The following LDAH variants were observed in gnomAD, a reference collection of about 807,000 sequenced individuals.
The protein encoded by LDAH is lipid droplet associated hydrolase, also known as lipid droplet-associated hydrolase.
A neutral mutation model predicts 29.6 loss-of-function variants in LDAH; 26 were observed. That is an observed-to-expected ratio of 0.88 (90% confidence interval 0.64 to 1.22). The LOEUF is 1.22. Among genes scored for constraint, LDAH ranks in the 50% most tolerant of loss-of-function variants. The pLI is 0.00. For synonymous variants in LDAH, 117 were observed against 133.0 expected, an observed-to-expected ratio of 0.88 and a Z score of 0.83; for missense variants, 344 against 387.3, an observed-to-expected ratio of 0.89 and a Z score of 0.94.
At chr2:20,779,976 G>T (rs112680512) in intron 3 of LDAH, among the ~76,000 whole-genome samples, 7,633 of 152,108 alleles carry the variant, frequency 0.05, 609 homozygotes, top group African/African-American at 0.17. Flanking sequence ...TAATTCTGTA[G>T]GCTTACCTAC....
At position 20,686,889 on chromosome 2, in the gene LDAH, T is replaced by C; in HGVS notation, c.*14A>G. 1 of 1,607,746 alleles carries C rather than the reference T, an allele frequency of 6.2e-7. No homozygotes were observed. ...TCCATGTACTGGCAGTGGGGGCTTG[T>C]TCCTCAGGCCAATTTACATTTTGGA... is the stretch of plus-strand genomic sequence containing the variant. On this transcript the variant is annotated 3_prime_UTR_variant, in exon 7 of 7. Coordinates refer to ENST00000237822, the MANE Select transcript of LDAH (RefSeq NM_021925.4).
intron 2 of LDAH, among the ~76,000 whole-genome samples, chr2:20,791,451 T>A (rs1670940503): frequency 6.6e-6 from 1 of 152,336 alleles, no homozygotes; most frequent in South Asian, 2.1e-4. Context: ...TTCAAACTTG[T>A]ACAACAACGT....
rs958787199 is a variant in LDAH at position 20,756,223 on chromosome 2, C to T, written c.469-16018G>A. On this transcript the variant is annotated intron_variant, in intron 4 of 6. Transcript: ENST00000237822. Reference sequence around the variant, plus strand: ...CTAATTTTTGTATTTTTAGTAGAGACGGGGTTTCACCATATTGGTCAGGCT... The same window carrying T: ...CTAATTTTTGTATTTTTAGTAGAGATGGGGTTTCACCATATTGGTCAGGCT... 3.9e-5 allele frequency among the ~76,000 whole-genome samples: 6 copies of T among 151,924 alleles called. No homozygotes were observed. The South Asian group carries it at 1.0e-3, about 26-fold the overall frequency.
At chr2:20,705,439 C>A (rs1384836660) in intron 5 of LDAH, among the ~76,000 whole-genome samples, 1 of 152,148 alleles carries the variant, frequency 6.6e-6, no homozygotes, top group African/African-American at 2.4e-5. Context: ...TACCAACTTT[C>A]TTTCTGGAAA....
At position 20,717,509 on chromosome 2, in the gene LDAH, C is replaced by A. The variant is rs187185786; in HGVS notation, c.704-15857G>T. Among the ~76,000 whole-genome samples, 615 of 152,230 alleles carry A rather than the reference C, an allele frequency of 4.0e-3. 3 individuals are homozygous for A. The highest frequency in any genetic ancestry group is 0.014 in the African/African-American group (586 of 41,544). The stretch of plus-strand genomic sequence containing the variant: ...ATTAGCTATCATGGAAATGTAAATT[C>A]AAAAATCTGAAACTCTTCCAATATG... On this transcript the variant is annotated intron_variant, in intron 5 of 6. Coordinates refer to ENST00000237822, the MANE Select transcript of LDAH (RefSeq NM_021925.4).
At chr2:20,812,819 A>G (rs1398827957) in intron 1 of LDAH, among the ~76,000 whole-genome samples, 1 of 152,232 alleles carries the variant, frequency 6.6e-6, no homozygotes, top group Non-Finnish European at 1.5e-5. Context: ...GGCAACAGTA[A>G]GAACTAATAA....
intron 5 of LDAH, among the ~76,000 whole-genome samples, chr2:20,716,669 A>G (rs1665216113): frequency 1.3e-5 from 2 of 150,266 alleles, no homozygotes; most frequent in South Asian, 2.1e-4. Context: ...TGGCACATGT[A>G]TACCTATGTA....
At chr2:20,694,545 C>T (rs1048219443) in intron 6 of LDAH, among the ~76,000 whole-genome samples, 12 of 152,200 alleles carry the variant, frequency 7.9e-5, no homozygotes, top group Non-Finnish European at 4.4e-5. Context: ...TACCTTGTTT[C>T]CTCTCTTCCG....
rs377055684 is a variant in LDAH, at chr2:20,717,325, A to G, written c.704-15673T>C. Reference sequence around the variant, plus strand: ...AATGAGACAATCCACAGAGTGGAAGAAGATATGTGCCATATGTCAAAGGTA... The same window carrying G: ...AATGAGACAATCCACAGAGTGGAAGGAGATATGTGCCATATGTCAAAGGTA... On this transcript the variant is annotated intron_variant, in intron 5 of 6. Coordinates refer to ENST00000237822, the MANE Select transcript of LDAH (RefSeq NM_021925.4). Among the ~76,000 whole-genome samples the G allele has an allele frequency of 1.5e-3, 228 of 152,324 alleles. 4 individuals are homozygous for G. The South Asian group carries it at 0.043, about 29-fold the overall frequency.
At chr2:20,788,205 C>T (rs1670691364) in intron 3 of LDAH, among the ~76,000 whole-genome samples, 1 of 152,106 alleles carries the variant, frequency 6.6e-6, no homozygotes. Flanking sequence ...ATACTCCCTG[C>T]AGCTAAAGGG....
Position 20,701,782 on chromosome 2 carries a change from G to A in LDAH, c.704-130C>T, listed in dbSNP as rs558488098. 5.5e-6 allele frequency: 4 copies of A among 722,556 alleles called. No individual in the cohort carries two copies. The Admixed American group carries it at 8.6e-5, about 16-fold the overall frequency. The allele number at this position is 722,556 out of a possible 1,614,324, so 44.8% of individuals were successfully genotyped here. On this transcript the variant is annotated intron_variant, in intron 5 of 6. Transcript: ENST00000237822. The stretch of plus-strand genomic sequence containing the variant: ...CTATCTGATGAGAGATACTGGTGAG[G>A]CCAACAGAGGAATGTGAGTCAGGCA...
At chr2:20,756,207 G>A (rs1668330678) in intron 4 of LDAH, among the ~76,000 whole-genome samples, 1 of 151,942 alleles carries the variant, frequency 6.6e-6, no homozygotes. Context: ...GCTAATTTTT[G>A]TATTTTTAGT....
At chr2:20,691,456 C>T (rs1257885508) in intron 6 of LDAH, among the ~76,000 whole-genome samples, 2 of 152,166 alleles carry the variant, frequency 1.3e-5, no homozygotes, top group East Asian at 1.9e-4. Flanking sequence ...AAATTACAGG[C>T]GTGAGCCACA....
At chr2:20,805,662 C>G (rs1672016610) in intron 1 of LDAH, among the ~76,000 whole-genome samples, 1 of 152,038 alleles carries the variant, frequency 6.6e-6, no homozygotes, top group Non-Finnish European at 1.5e-5. Context: ...CTTAGGCAAG[C>G]CTATTTTCTT....
chr2:20,718,290 C>G (rs935986316), intron 5 of LDAH, among the ~76,000 whole-genome samples: 1 of 151,990 alleles, frequency 6.6e-6, no homozygotes, highest in Non-Finnish European at 1.5e-5. Context: ...TATAAAGATA[C>G]CCATAGAGTA....
chr2:20,695,170 C>A (rs908755402), intron 6 of LDAH, among the ~76,000 whole-genome samples: 3 of 152,148 alleles, frequency 2.0e-5, no homozygotes, highest in African/African-American at 7.2e-5. Context: ...TTGTGTTTTC[C>A]CCTCATTATG....
At chr2:20,783,247 A>G (rs929156506) in intron 3 of LDAH, among the ~76,000 whole-genome samples, 3 of 152,200 alleles carry the variant, frequency 2.0e-5, no homozygotes, top group Non-Finnish European at 4.4e-5. Context: ...AATGTAGTCT[A>G]TCTTGGTGAA....
At chr2:20,736,037 C>A (rs1666758473) in intron 5 of LDAH, among the ~76,000 whole-genome samples, 1 of 152,144 alleles carries the variant, frequency 6.6e-6, no homozygotes, top group East Asian at 1.9e-4. Context: ...AGAGGGGGTG[C>A]TTCATTACTG....
Position 20,736,298 on chromosome 2 carries a change from T to G in LDAH, c.703+3673A>C, listed in dbSNP as rs1020903136. On this transcript the variant is annotated intron_variant, in intron 5 of 6. Transcript: ENST00000237822. ...CTCTACTAAAAATACAAAAATTAGCTGGGAGTCGTGGCAGGCACCTGTAGT... is the reference window on the plus strand; with the variant it reads ...CTCTACTAAAAATACAAAAATTAGCGGGGAGTCGTGGCAGGCACCTGTAGT... Among the ~76,000 whole-genome samples the G allele has an allele frequency of 3.3e-5, 5 of 152,008 alleles. No homozygotes were observed. The South Asian group carries it at 1.0e-3, about 32-fold the overall frequency.
Sources: gnomAD v4.1 joint callset for allele counts (sites outside exome capture counted in the v4.1 genomes callset) on GRCh38, gnomAD v4.1.1 for gene constraint, MANE v1.5 for transcripts, NCBI Gene and HGNC (gene_info 2026-07-23, HGNC 2026-07-21) for gene names.